IRGM: variants seen among roughly 807,000 people sequenced by gnomAD.
IRGM encodes the protein immunity related GTPase M.
For synonymous variants in IRGM, 98 were observed against 80.6 expected (o/e 1.22, Z -1.16); for missense variants, 288 against 219.9 (o/e 1.31, Z -1.96).
chr5:150,859,510 TC>T (rs1754105932), intron 1 of IRGM, among the ~76,000 whole-genome samples: 1 of 152,218 alleles, frequency 6.6e-6, no homozygotes, highest in African/African-American at 2.4e-5. Flanking sequence ...TGGTACCAGC[TC>T]CTCTTTGTAC....
intron 3 of IRGM, among the ~76,000 whole-genome samples, chr5:150,886,112 A>C (rs907668172): frequency 3.3e-5 from 5 of 151,782 alleles, no homozygotes; most frequent in Admixed American, 6.6e-5. Context: ...TTTAAGATGA[A>C]AGCATGTTGA....
rs919680506 is a variant in IRGM at position 150,847,138 on chromosome 5, G to C, written c.-498G>C. 2 of 152,334 alleles carry C rather than the reference G, an allele frequency of 1.3e-5. No individual in the cohort carries two copies. Among genetic ancestry groups the C allele is most frequent in the Non-Finnish European group, 2.9e-5 (2 of 68,078 alleles). 9.4% of individuals were successfully genotyped at this position (152,334 alleles called of 1,614,324 possible). ...AACATGACAGTCTTAATGGAAGCTC[G>C]GGGGTCAAAGGCTGGTGGCTTACTT... is the stretch of plus-strand genomic sequence containing the variant. On this transcript the variant is annotated 5_prime_UTR_variant, in exon 1 of 2. Transcript: ENST00000522154.
chr5:150,868,371 G>A (rs1754235973), intron 1 of IRGM, among the ~76,000 whole-genome samples: 1 of 152,034 alleles, frequency 6.6e-6, no homozygotes, highest in Non-Finnish European at 1.5e-5. Flanking sequence ...TTTAATGACT[G>A]TAGCCTTATA....
At chr5:150,879,066 T>G (rs926898750) in intron 2 of IRGM, among the ~76,000 whole-genome samples, 3 of 152,140 alleles carry the variant, frequency 2.0e-5, no homozygotes, top group African/African-American at 7.2e-5. Context: ...CTCTTGAAAT[T>G]CTAAAAACAA....
chr5:150,863,887 T>C (rs772713430), intron 1 of IRGM, among the ~76,000 whole-genome samples: 19 of 152,206 alleles, frequency 1.2e-4, no homozygotes, highest in Non-Finnish European at 1.6e-4. Flanking sequence ...GGTCTTCCTG[T>C]TTAAGAGAAA....
intron 3 of IRGM, among the ~76,000 whole-genome samples, chr5:150,888,732 G>C (rs371491836): frequency 1.3e-5 from 2 of 152,102 alleles, no homozygotes; most frequent in South Asian, 2.1e-4. Flanking sequence ...AAACCAAGAA[G>C]TTCTTTGAAA....
chr5:150,880,677 C>A (rs1283310760), intron 3 of IRGM, among the ~76,000 whole-genome samples: 6 of 152,218 alleles, frequency 3.9e-5, no homozygotes, highest in African/African-American at 1.4e-4. Flanking sequence ...TCATATTCAA[C>A]TGTATCACTC....
intron 3 of IRGM, among the ~76,000 whole-genome samples, chr5:150,887,658 GA>G (rs75460329): frequency 0.059 from 5,255 of 88,480 alleles, 212 homozygotes; most frequent in African/African-American, 0.15. Context: ...AGGTCAAAAT[GA>G]AAAAAAAAAA....
intron 3 of IRGM, among the ~76,000 whole-genome samples, chr5:150,887,758 A>G (rs952944152): frequency 6.6e-6 from 1 of 151,984 alleles, no homozygotes; most frequent in Non-Finnish European, 1.5e-5. Context: ...CTCAGCTGAA[A>G]CCTTACAAGC....
chr5:150,851,280 A>G (rs1753970568), downstream of IRGM, among the ~76,000 whole-genome samples: 1 of 152,170 alleles, frequency 6.6e-6, no homozygotes, highest in Non-Finnish European at 1.5e-5. Context: ...ATAATGGCAG[A>G]GAATGCTGTA....
At chr5:150,858,590 C>A (rs1754091501) in intron 1 of IRGM, among the ~76,000 whole-genome samples, 1 of 152,134 alleles carries the variant, frequency 6.6e-6, no homozygotes, top group South Asian at 2.1e-4. Context: ...TTTGTATCCT[C>A]TTTTATTTCC....
At chr5:150,847,555 G>A (rs1753887961) in intron 1 of IRGM, 154 bp from the exon 2 acceptor site, 1 of 153,242 alleles carries the variant, frequency 6.5e-6, no homozygotes, top group Non-Finnish European at 1.5e-5. Flanking sequence ...CTTGCTCCCT[G>A]AAGAAATGTG....
intron 3 of IRGM, among the ~76,000 whole-genome samples, chr5:150,887,024 T>G (rs541730606): frequency 2.8e-4 from 43 of 152,186 alleles, no homozygotes; most frequent in Admixed American, 2.2e-3. Context: ...CTTTCTAATG[T>G]TTTGATGTGG....
At chr5:150,892,771 A>G (rs1035536250) in intron 3 of IRGM, among the ~76,000 whole-genome samples, 1 of 151,930 alleles carries the variant, frequency 6.6e-6, no homozygotes, top group Non-Finnish European at 1.5e-5. Context: ...CATTTTTTTG[A>G]GACAGGGTCT....
chr5:150,896,134 T>C, intron 3 of IRGM: 1 of 1,613,372 alleles, frequency 6.2e-7, no homozygotes, highest in Non-Finnish European at 8.5e-7. Context: ...TGATGTATAA[T>C]GAGGGGTGAT....
At chr5:150,881,290 A>G (rs1206569829) in intron 3 of IRGM, among the ~76,000 whole-genome samples, 1 of 152,152 alleles carries the variant, frequency 6.6e-6, no homozygotes, top group East Asian at 1.9e-4. Context: ...ACAGATAAGG[A>G]GTTCCAATTA....
chr5:150,893,068 T>C (rs1754640825), intron 3 of IRGM, among the ~76,000 whole-genome samples: 1 of 152,286 alleles, frequency 6.6e-6, no homozygotes, highest in East Asian at 1.9e-4. Context: ...GCCTGATCTA[T>C]ACTTACTGCT....
At chr5:150,893,813 T>C (rs991093836) in intron 3 of IRGM, among the ~76,000 whole-genome samples, 7 of 152,160 alleles carry the variant, frequency 4.6e-5, no homozygotes, top group African/African-American at 1.7e-4. Context: ...TGCTACATAG[T>C]ATTTTTATTT....
At chr5:150,850,194 G>A (rs1420743913), downstream of IRGM, among the ~76,000 whole-genome samples, 1 of 152,048 alleles carries the variant, frequency 6.6e-6, no homozygotes, top group African/African-American at 2.4e-5. Flanking sequence ...TTTAAAAAAT[G>A]TCTGCTTTAT....
Sources: allele counts gnomAD v4.1 joint callset (sites outside exome capture counted in the v4.1 genomes callset), GRCh38; gene constraint gnomAD v4.1.1; transcripts MANE v1.5; gene names NCBI Gene and HGNC (gene_info 2026-07-23, HGNC 2026-07-21).